Variants in DYDC2 observed in about 807,000 individuals in gnomAD.
DYDC2 encodes DPY30 domain-containing protein 2.
In DYDC2, 19 loss-of-function variants were observed where a neutral mutation model predicts 18.7. That is an observed-to-expected ratio of 1.02 (90% CI 0.71 to 1.49). The LOEUF (loss-of-function observed/expected upper bound fraction) is 1.49, where lower values mean the gene tolerates loss of function less well. Ranked by LOEUF, DYDC2 falls within the 40% of genes most tolerant of loss-of-function variation. The probability of loss-of-function intolerance (pLI) is 0.00; values close to 1 mark genes in which losing one functional copy is unlikely to be tolerated. For synonymous variants in DYDC2, 63 were observed against 67.6 expected (o/e 0.93, Z 0.34); for missense variants, 179 against 205.1 (o/e 0.87, Z 0.78).
rs1000976061 is a variant in DYDC2, at chr10:80,367,637, C to T, written c.*686C>T. On this transcript the variant is annotated 3_prime_UTR_variant, in exon 5 of 5. Coordinates refer to ENST00000256039, the MANE Select transcript of DYDC2 (RefSeq NM_032372.6). ...TTTTCTCCCAACACTAAGCTTTCCT[C>T]CCAACACACATCCATCTCGTGTGTT... 3 of 152,250 alleles carry T rather than the reference C, an allele frequency of 2.0e-5. No homozygotes were observed. Among genetic ancestry groups the T allele is most frequent in the African/African-American group, 7.2e-5 (3 of 41,442 alleles). 9.4% of individuals were successfully genotyped at this position (152,250 alleles called of 1,614,324 possible).
chr10:80,348,619 C>T (rs1459311560), intron 1 of DYDC2, among the ~76,000 whole-genome samples: 1 of 152,172 alleles, frequency 6.6e-6, no homozygotes, highest in African/African-American at 2.4e-5. Flanking sequence ...AACGTAAGTG[C>T]AAAGGAAATT....
rs545027064 is a variant in DYDC2 at position 80,349,006 on chromosome 10, C to G, written c.-310+4191C>G. 5.3e-5 allele frequency among the ~76,000 whole-genome samples: 8 copies of G among 152,176 alleles called. No homozygotes were observed. The South Asian group carries it at 8.3e-4, about 16-fold the overall frequency. ...TCCTGGGTTCGCGCCATTCTTCCCC[C>G]TCAGTCTCCTGAGTAGCTGGGACTA... On this transcript the variant is annotated intron_variant, in intron 1 of 4. Transcript: ENST00000372197.
At chr10:80,357,556 T>C (rs967245731) in intron 1 of DYDC2, among the ~76,000 whole-genome samples, 6 of 152,168 alleles carry the variant, frequency 3.9e-5, no homozygotes, top group Admixed American at 3.3e-4. Flanking sequence ...TGCAAGCTGC[T>C]AATAGCTTGG....
intron 4 of DYDC2, among the ~76,000 whole-genome samples, chr10:80,365,291 C>T (rs1288074480): frequency 2.0e-5 from 3 of 151,890 alleles, no homozygotes; most frequent in Admixed American, 6.6e-5. Flanking sequence ...GGGATCATAC[C>T]CAATTATCTG....
intron 1 of DYDC2, among the ~76,000 whole-genome samples, chr10:80,346,201 C>G (rs1018595283): frequency 1.3e-5 from 2 of 152,130 alleles, no homozygotes; most frequent in Non-Finnish European, 2.9e-5. Flanking sequence ...GTTTCCAAAT[C>G]TTGGCTATTG....
At position 80,362,598 on chromosome 10, in the gene DYDC2, T is replaced by C; in HGVS notation, c.147+8T>C. On this transcript the variant is annotated splice_region_variant and intron_variant, in intron 3 of 4. Transcript: ENST00000256039. Reference sequence around the variant, plus strand: ...GCAAAAGCAAAAGAAGAGGTGTGTATGTGCACTGGGACTTAGGGAGGGCCC... The same window carrying C: ...GCAAAAGCAAAAGAAGAGGTGTGTACGTGCACTGGGACTTAGGGAGGGCCC... The C allele has an allele frequency of 6.2e-7, 1 of 1,600,226 alleles. No individual in the cohort carries two copies.
chr10:80,346,771 C>A (rs768358895), intron 1 of DYDC2, among the ~76,000 whole-genome samples: 23 of 151,990 alleles, frequency 1.5e-4, no homozygotes, highest in African/African-American at 5.6e-4. Context: ...TGTCTCTTCC[C>A]TTTCTGATAA....
chr10:80,364,528 A>T (rs1843767114), intron 4 of DYDC2, among the ~76,000 whole-genome samples: 1 of 152,208 alleles, frequency 6.6e-6, no homozygotes, highest in South Asian at 2.1e-4. Context: ...TATTAAGGAA[A>T]ATTTCTCGGT....
exon 1 of DYDC2, chr10:80,344,799 C>A: frequency 7.0e-6 from 2 of 284,446 alleles, no homozygotes; most frequent in Middle Eastern, 1.1e-3. Context: ...CTGAGACCTC[C>A]CCAGCAATGT....
chr10:80,358,072 T>A (rs1843495552), intron 2 of DYDC2, 27 bp downstream of exon 2: 1 of 985,362 alleles, frequency 1.0e-6, no homozygotes, highest in African/African-American at 1.7e-5. Context: ...TTGGTCTGAG[T>A]GGGCTTTAAA....
chr10:80,350,737 C>CT (rs541639162), intron 1 of DYDC2, among the ~76,000 whole-genome samples: 148 of 152,296 alleles, frequency 9.7e-4, no homozygotes, highest in African/African-American at 3.5e-3. Flanking sequence ...AGTCAAGACT[C>CT]TGGGGTTAAG....
chr10:80,354,521 G>C (rs983192501), upstream of DYDC2: 2 of 151,206 alleles, frequency 1.3e-5, no homozygotes, highest in African/African-American at 4.9e-5. Context: ...ACCTATTATA[G>C]GTCAGGCACC....
chr10:80,347,608 C>T (rs958031255), intron 1 of DYDC2, among the ~76,000 whole-genome samples: 3 of 152,118 alleles, frequency 2.0e-5, no homozygotes, highest in African/African-American at 7.2e-5. Flanking sequence ...GGTCTTTAAT[C>T]TATTTTGAAC....
intron 2 of DYDC2, among the ~76,000 whole-genome samples, chr10:80,358,643 G>C (rs1843546679): frequency 6.6e-6 from 1 of 152,174 alleles, no homozygotes; most frequent in South Asian, 2.1e-4. Context: ...CAGTTCTACA[G>C]TGATCCAGGC....
intron 2 of DYDC2, among the ~76,000 whole-genome samples, chr10:80,358,518 T>C (rs754470154): frequency 6.6e-6 from 1 of 152,184 alleles, no homozygotes; most frequent in Non-Finnish European, 1.5e-5. Flanking sequence ...TTGTTGAAAA[T>C]GGGCAATTTA....
chr10:80,357,699 C>T (rs1843474000), intron 1 of DYDC2, among the ~76,000 whole-genome samples, 194 bp from the exon 2 acceptor site: 1 of 152,184 alleles, frequency 6.6e-6, no homozygotes, highest in Non-Finnish European at 1.5e-5. Flanking sequence ...TCTTCCCTGG[C>T]CTAGTCGTCT....
At chr10:80,352,896 G>A (rs1470288593), upstream of DYDC2, among the ~76,000 whole-genome samples, 1 of 152,168 alleles carries the variant, frequency 6.6e-6, no homozygotes, top group Non-Finnish European at 1.5e-5. Flanking sequence ...TTTACTTGAT[G>A]CCAAGTAATG....
upstream of DYDC2, chr10:80,356,354 C>G: frequency 1.0e-6 from 1 of 985,858 alleles, no homozygotes; most frequent in Non-Finnish European, 1.2e-6. Flanking sequence ...ATTCCTTACC[C>G]ACACCTGGGA....
upstream of DYDC2, chr10:80,352,566 G>T: frequency 6.2e-7 from 1 of 1,612,252 alleles, no homozygotes; most frequent in East Asian, 2.2e-5. Flanking sequence ...GAGTTAAACA[G>T]GCCCCAAGGT....
Sources: allele counts gnomAD v4.1 joint callset (sites outside exome capture counted in the v4.1 genomes callset), GRCh38; gene constraint gnomAD v4.1.1; transcripts MANE v1.5; gene names NCBI Gene and HGNC (gene_info 2026-07-23, HGNC 2026-07-21).